Variants in ZNF496 observed in about 807,000 individuals in gnomAD.
ZNF496 encodes NSD1 (nuclear receptor binding SET-domain containing 1)-interacting zinc finger protein 1.
In ZNF496, 11 loss-of-function variants were observed where a neutral mutation model predicts 58.9. The ratio of observed to expected loss-of-function variants is 0.19; its 90% CI spans 0.12 to 0.31. The LOEUF (loss-of-function observed/expected upper bound fraction) is 0.31, where lower values mean the gene tolerates loss of function less well. ZNF496 is among the 10% of genes least tolerant of loss of function. The pLI, the probability that ZNF496 is intolerant of heterozygous loss-of-function variation, is 1.00. For synonymous variants in ZNF496, 338 were observed against 318.2 expected, an observed-to-expected ratio of 1.06 and a Z score of -0.66; for missense variants, 660 against 783.0, an observed-to-expected ratio of 0.84 and a Z score of 1.88.
At chr1:247,324,282 G>A (rs536167771) in intron 5 of ZNF496, among the ~76,000 whole-genome samples, 1 of 152,324 alleles carries the variant, frequency 6.6e-6, no homozygotes, top group East Asian at 1.9e-4. Flanking sequence ...CATAGAAGCA[G>A]AGATCAGAAT....
At chr1:247,325,829 T>C (rs1235110693) in intron 5 of ZNF496, among the ~76,000 whole-genome samples, 2 of 152,032 alleles carry the variant, frequency 1.3e-5, no homozygotes, top group Non-Finnish European at 2.9e-5. Flanking sequence ...TCCTCACACC[T>C]GCCACCTTCT....
chr1:247,324,586 C>T (rs904294418), intron 5 of ZNF496, among the ~76,000 whole-genome samples: 2 of 151,790 alleles, frequency 1.3e-5, no homozygotes, highest in African/African-American at 4.8e-5. Context: ...AACAGAACTC[C>T]TGAGCTCAAG....
At chr1:247,321,540 A>C (rs1011037484) in intron 6 of ZNF496, among the ~76,000 whole-genome samples, 3 of 152,198 alleles carry the variant, frequency 2.0e-5, no homozygotes, top group African/African-American at 7.2e-5. Context: ...ACAATTAAAA[A>C]CAGAAATTAA....
chr1:247,310,092 T>G, intron 7 of ZNF496: 1 of 1,430,202 alleles, frequency 7.0e-7, no homozygotes, highest in Non-Finnish European at 9.1e-7. Flanking sequence ...ACATGTTCTA[T>G]TTGGTTCTGA....
Position 247,298,315 on chromosome 1 carries a change from T to G in ZNF496, c.*2204A>C, listed in dbSNP as rs1659141879. ...TGGTTATAAAATCTTTTAACGAGTTTGGGGCAGAGGCTTTTTAATTATTTT... is the reference window on the plus strand; with the variant it reads ...TGGTTATAAAATCTTTTAACGAGTTGGGGGCAGAGGCTTTTTAATTATTTT... On this transcript the variant is annotated 3_prime_UTR_variant, in exon 10 of 10. Transcript: ENST00000682384. The G allele has an allele frequency of 6.6e-6, 1 of 152,200 alleles. No individual in the cohort carries two copies. 9.4% of individuals were successfully genotyped at this position (152,200 alleles called of 1,614,324 possible).
intron 6 of ZNF496, among the ~76,000 whole-genome samples, chr1:247,318,771 A>G (rs943386031): frequency 6.6e-6 from 1 of 152,238 alleles, no homozygotes; most frequent in Non-Finnish European, 1.5e-5. Context: ...GGAACCTTGG[A>G]ACATAAGAAG....
chr1:247,328,047 A>C (rs1660194671), intron 5 of ZNF496, among the ~76,000 whole-genome samples: 1 of 152,248 alleles, frequency 6.6e-6, no homozygotes, highest in Non-Finnish European at 1.5e-5. Flanking sequence ...ACAGAGGAAG[A>C]AACTGAGGCT....
Position 247,309,501 on chromosome 1 carries a change from T to C in ZNF496, c.892+198A>G. The C allele has an allele frequency of 1.4e-6, 2 of 1,413,812 alleles. No individual in the cohort carries two copies. The highest frequency in any genetic ancestry group is 1.8e-6 in the Non-Finnish European group (2 of 1,088,860). 87.6% of individuals were successfully genotyped at this position (1,413,812 alleles called of 1,614,324 possible). ...CTTGGCCAAGGGAGTACAATTCCAA[T>C]GCCTGGCAAAATTAAGATCCTCCAT... On this transcript the variant is annotated intron_variant, in intron 8 of 9. Transcript: ENST00000682384. The surrounding 1 kb of genome is among the most constrained non-coding windows in gnomAD (Gnocchi z 4.3).
At position 247,325,739 on chromosome 1, in the gene ZNF496, C is replaced by T. The variant is rs150160508; in HGVS notation, c.575-2509G>A. 1.9e-3 allele frequency among the ~76,000 whole-genome samples: 294 copies of T among 152,244 alleles called. 1 individual carries two copies. The highest frequency in any genetic ancestry group is 6.6e-3 in the African/African-American group (276 of 41,516). Reference sequence around the variant, plus strand: ...CAAACTCCTGGCCTCAAGCAATCCTCCTGCTTCAGCCCCCTGAGTAGCTGG... The same window carrying T: ...CAAACTCCTGGCCTCAAGCAATCCTTCTGCTTCAGCCCCCTGAGTAGCTGG... On this transcript the variant is annotated intron_variant, in intron 5 of 9. Transcript: ENST00000682384.
At position 247,300,985 on chromosome 1, in the gene ZNF496, T is replaced by C. The variant is rs745697566; in HGVS notation, c.1298A>G (p.Lys433Arg). 1.9e-6 allele frequency: 3 copies of C among 1,613,856 alleles called. No individual in the cohort carries two copies. The highest frequency in any genetic ancestry group is 2.5e-6 in the Non-Finnish European group (3 of 1,180,038). Residue 433 changes from lysine (K) to arginine (R), a missense_variant, in exon 10 of 10, where the codon AAG (lysine) becomes AGG (arginine). By Grantham distance (26) the Lys-to-Arg change is conservative. Transcript: ENST00000682384. The surrounding 1 kb of genome is among the most constrained non-coding windows in gnomAD (Gnocchi z 5.7). ...RHLRSRREQE[K>R]PHECSVCGEL... is the part of the protein sequence containing the mutation. ...CCCGCACACCGAGCACTCGTGCGGC[T>C]TCTCCTGCTCCCTGCGGCTCCGCAG...
rs1659199508 is a variant in ZNF496 at position 247,300,426 on chromosome 1, C to T, written c.*93G>A. The T allele has an allele frequency of 4.3e-6, 6 of 1,400,434 alleles. No individual in the cohort carries two copies. Among genetic ancestry groups the T allele is most frequent in the Non-Finnish European group, 5.7e-6 (6 of 1,046,908 alleles). 86.8% of individuals were successfully genotyped at this position (1,400,434 alleles called of 1,614,324 possible). The stretch of plus-strand genomic sequence containing the variant: ...GACAGGAGGGAGGTGTGCTCTCTAT[C>T]CTGGGGAAGGTATGTCCTGGGTGGG... On this transcript the variant is annotated 3_prime_UTR_variant, in exon 10 of 10. Transcript: ENST00000682384. This position sits in a 1 kb window ranked among gnomAD's most constrained non-coding sequence, Gnocchi z 5.7.
intron 6 of ZNF496, chr1:247,313,036 T>C (rs1659657454): frequency 6.6e-6 from 1 of 152,172 alleles, no homozygotes; most frequent in Non-Finnish European, 1.5e-5. Flanking sequence ...TGGGTTCTGG[T>C]GAGGGCCCAG....
chr1:247,326,192 C>T (rs1163460759), intron 5 of ZNF496, among the ~76,000 whole-genome samples: 2 of 150,846 alleles, frequency 1.3e-5, no homozygotes, highest in African/African-American at 2.4e-5. Flanking sequence ...TACTTTTGGC[C>T]CCGATAAATG....
At chr1:247,327,353 C>G (rs978554915) in intron 5 of ZNF496, among the ~76,000 whole-genome samples, 2 of 152,206 alleles carry the variant, frequency 1.3e-5, no homozygotes, top group Admixed American at 1.3e-4. Context: ...CGTGAGCCAC[C>G]GCGCCCAACC....
At chr1:247,322,706 T>C (rs140236078) in intron 6 of ZNF496, 2 of 1,289,120 alleles carry the variant, frequency 1.6e-6, no homozygotes, top group African/African-American at 1.5e-5. Context: ...ACCACGTAGA[T>C]CTGTGACAGG....
chr1:247,301,569 A>C (rs1659240759), intron 9 of ZNF496, among the ~76,000 whole-genome samples: 1 of 151,838 alleles, frequency 6.6e-6, no homozygotes, highest in African/African-American at 2.4e-5. Flanking sequence ...ACCCACGGAG[A>C]CCACCCCATC....
Position 247,308,417 on chromosome 1 carries a change from C to G in ZNF496, c.1006+58G>C, listed in dbSNP as rs1659485677. Reference sequence around the variant, plus strand: ...TATGCCACACATGCATACATACATTCATGCGACACACCACAGACACACAGG... The same window carrying G: ...TATGCCACACATGCATACATACATTGATGCGACACACCACAGACACACAGG... On this transcript the variant is annotated intron_variant, in intron 9 of 9. Coordinates refer to ENST00000682384, the MANE Select transcript of ZNF496 (RefSeq NM_032752.3). This position sits in a 1 kb window ranked among gnomAD's most constrained non-coding sequence, Gnocchi z 4.5. The G allele has an allele frequency of 6.8e-7, 1 of 1,469,432 alleles. No homozygotes were observed. The highest frequency in any genetic ancestry group is 9.5e-7 in the Non-Finnish European group (1 of 1,049,998). The allele number at this position is 1,469,432 out of a possible 1,614,324, so 91.0% of individuals were successfully genotyped here.
intron 4 of ZNF496, 103 bp from the exon 5 acceptor site, chr1:247,328,969 T>A (rs1660227605): frequency 6.8e-7 from 1 of 1,459,964 alleles, no homozygotes; most frequent in Non-Finnish European, 9.2e-7. Context: ...AGGCTCAACT[T>A]AGGCCTTGGA....
In ZNF496 at chr1:247,308,286, C is replaced by T. The variant is rs1659480536; in HGVS notation, c.1006+189G>A. Among the ~76,000 whole-genome samples the T allele has an allele frequency of 6.6e-6, 1 of 152,146 alleles. No individual in the cohort carries two copies. Among genetic ancestry groups the T allele is most frequent in the South Asian group, 2.1e-4 (1 of 4,824 alleles). On this transcript the variant is annotated intron_variant, in intron 9 of 9. Transcript: ENST00000682384. The surrounding 1 kb of genome is among the most constrained non-coding windows in gnomAD (Gnocchi z 4.5). ...CACATTTACATCACACACCCACATGCCCCCAACACACAGGTGCACCCATGA... is the reference window on the plus strand; with the variant it reads ...CACATTTACATCACACACCCACATGTCCCCAACACACAGGTGCACCCATGA...
Sources: allele counts gnomAD v4.1 joint callset (sites outside exome capture counted in the v4.1 genomes callset), GRCh38; gene constraint gnomAD v4.1.1; non-coding constraint Gnocchi (gnomAD v3.1); transcripts MANE v1.5; gene names NCBI Gene and HGNC (gene_info 2026-07-23, HGNC 2026-07-21).